ARHGAP25: variants seen among roughly 807,000 people sequenced by gnomAD.
The protein encoded by ARHGAP25 is Rho GTPase activating protein 25.
In ARHGAP25, 34 loss-of-function variants were observed where a neutral mutation model predicts 71.0. The ratio of observed to expected loss-of-function variants is 0.48; its 90% CI spans 0.36 to 0.64. The LOEUF (loss-of-function observed/expected upper bound fraction) is 0.64. ARHGAP25 is among the 30% of genes least tolerant of loss of function. ARHGAP25 has a pLI of 0.00. For synonymous variants in ARHGAP25, 282 were observed against 296.5 expected (o/e 0.95, Z 0.50); for missense variants, 706 against 805.1 (o/e 0.88, Z 1.49).
intron 2 of ARHGAP25, among the ~76,000 whole-genome samples, chr2:68,726,516 A>G (rs889554494): frequency 1.3e-5 from 2 of 152,258 alleles, no homozygotes; most frequent in South Asian, 4.1e-4. Flanking sequence ...TCCTGAGCCC[A>G]TCATTCACAG....
chr2:68,779,839 T>G (rs1678193663), intron 2 of ARHGAP25, among the ~76,000 whole-genome samples: 1 of 152,252 alleles, frequency 6.6e-6, no homozygotes, highest in African/African-American at 2.4e-5. Context: ...TACTGGTGTC[T>G]CTTCCTCTTA....
intron 2 of ARHGAP25, among the ~76,000 whole-genome samples, chr2:68,715,020 A>G (rs1185455055): frequency 1.3e-5 from 2 of 152,094 alleles, no homozygotes; most frequent in Admixed American, 6.5e-5. Flanking sequence ...TGGTGGTTAG[A>G]ATCATGACTT....
intron 1 of ARHGAP25, among the ~76,000 whole-genome samples, chr2:68,763,512 T>C (rs776518009): frequency 6.6e-6 from 1 of 152,240 alleles, no homozygotes; most frequent in African/African-American, 2.4e-5. Context: ...CACCTAAGAA[T>C]GTGATCTTCT....
chr2:68,720,056 C>T (rs1339131729), intron 2 of ARHGAP25, among the ~76,000 whole-genome samples: 2 of 152,124 alleles, frequency 1.3e-5, no homozygotes, highest in African/African-American at 2.4e-5. Context: ...TTGATGGTTT[C>T]GGTAAAAAGC....
chr2:68,776,063 G>A (rs1051437284), intron 2 of ARHGAP25, among the ~76,000 whole-genome samples: 1 of 152,236 alleles, frequency 6.6e-6, no homozygotes, highest in Admixed American at 6.5e-5. Context: ...AGACTAAAGA[G>A]GAGAGGGAAT....
chr2:68,727,485 C>T (rs1006355217), intron 2 of ARHGAP25, among the ~76,000 whole-genome samples: 3 of 152,156 alleles, frequency 2.0e-5, no homozygotes, highest in South Asian at 2.1e-4. Flanking sequence ...TCTGCCTCTG[C>T]GGAGCTTCCA....
At chr2:68,741,340 G>T (rs748083362) in intron 1 of ARHGAP25, among the ~76,000 whole-genome samples, 1 of 152,176 alleles carries the variant, frequency 6.6e-6, no homozygotes, top group Non-Finnish European at 1.5e-5. Flanking sequence ...GGAATTCAGT[G>T]CTCAGAAAAT....
chr2:68,734,804 A>G (rs1196841839), upstream of ARHGAP25: 2 of 226,152 alleles, frequency 8.8e-6, no homozygotes, highest in Non-Finnish European at 1.7e-5. Context: ...CAAAACCAAG[A>G]GGCAGCAGTT....
At chr2:68,724,250 G>A (rs940182011) in intron 2 of ARHGAP25, among the ~76,000 whole-genome samples, 8 of 152,136 alleles carry the variant, frequency 5.3e-5, no homozygotes, top group African/African-American at 1.7e-4. Flanking sequence ...CAAACTCTCT[G>A]CACTTCACAC....
chr2:68,711,196 G>A (rs1325851335), intron 2 of ARHGAP25, among the ~76,000 whole-genome samples: 3 of 152,126 alleles, frequency 2.0e-5, no homozygotes, highest in Non-Finnish European at 4.4e-5. Flanking sequence ...CTTCAGCCTT[G>A]GTGCTGACCT....
At chr2:68,741,990 A>AT (rs553594862) in intron 1 of ARHGAP25, among the ~76,000 whole-genome samples, 23 of 152,332 alleles carry the variant, frequency 1.5e-4, no homozygotes, top group Non-Finnish European at 2.6e-4. Flanking sequence ...TGTGCCTCTC[A>AT]TGCTGCAAGC....
At chr2:68,811,651 C>A (rs1680835425) in intron 5 of ARHGAP25, among the ~76,000 whole-genome samples, 1 of 18,944 alleles carries the variant, frequency 5.3e-5, no homozygotes, top group African/African-American at 1.4e-4. Context: ...AAAGGGGAAG[C>A]CTTTTCAGAG....
chr2:68,791,076 C>T (rs1174608654), intron 4 of ARHGAP25, among the ~76,000 whole-genome samples: 1 of 152,236 alleles, frequency 6.6e-6, no homozygotes, highest in Non-Finnish European at 1.5e-5. Flanking sequence ...CCCTTACCGT[C>T]TTCAGGTCTT....
chr2:68,763,910 C>G (rs776089511), intron 1 of ARHGAP25, among the ~76,000 whole-genome samples: 3 of 152,006 alleles, frequency 2.0e-5, no homozygotes, highest in Non-Finnish European at 2.9e-5. Flanking sequence ...CATAAAATTC[C>G]TTCATTGTAA....
At chr2:68,762,025 T>C (rs566560642) in intron 1 of ARHGAP25, among the ~76,000 whole-genome samples, 2 of 152,230 alleles carry the variant, frequency 1.3e-5, no homozygotes, top group Admixed American at 1.3e-4. Flanking sequence ...ATGTGGTATA[T>C]ACATTCAATA....
At chr2:68,759,115 G>A (rs983404595) in intron 1 of ARHGAP25, among the ~76,000 whole-genome samples, 27 of 151,540 alleles carry the variant, frequency 1.8e-4, no homozygotes, top group African/African-American at 6.5e-4. Flanking sequence ...AGGAGTAAGA[G>A]GGAAATTGAT....
chr2:68,712,642 G>A (rs1409343000), intron 2 of ARHGAP25, among the ~76,000 whole-genome samples: 2 of 152,164 alleles, frequency 1.3e-5, no homozygotes, highest in African/African-American at 2.4e-5. Context: ...ACAGTTTTAG[G>A]TCTTATGTTT....
chr2:68,733,602 C>T (rs1181859680), upstream of ARHGAP25, among the ~76,000 whole-genome samples: 1 of 152,102 alleles, frequency 6.6e-6, no homozygotes, highest in Non-Finnish European at 1.5e-5. Context: ...CCAGTTCACC[C>T]ATTGTACCAA....
At chr2:68,771,915 C>T (rs962502277) in intron 1 of ARHGAP25, among the ~76,000 whole-genome samples, 2 of 152,204 alleles carry the variant, frequency 1.3e-5, no homozygotes, top group African/African-American at 4.8e-5. Flanking sequence ...TGTAAGCAGA[C>T]AAGCTGGTTG....
Sources: gnomAD v4.1 joint callset for allele counts (sites outside exome capture counted in the v4.1 genomes callset) on GRCh38, gnomAD v4.1.1 for gene constraint, MANE v1.5 for transcripts, NCBI Gene and HGNC (gene_info 2026-07-23, HGNC 2026-07-21) for gene names.